Variants in MAP3K15 observed in about 807,000 individuals in gnomAD.
MAP3K15 encodes MAPK/ERK kinase kinase 15.
A neutral mutation model predicts 99.5 loss-of-function variants in MAP3K15; 124 were observed. The ratio of observed to expected loss-of-function variants is 1.25; its 90% CI spans 1.08 to 1.45. The LOEUF (loss-of-function observed/expected upper bound fraction) is 1.45, where lower values mean the gene tolerates loss of function less well. MAP3K15 is among the 40% of genes most tolerant of loss of function. The pLI, the probability that MAP3K15 is intolerant of heterozygous loss-of-function variation, is 0.00. For missense variants in MAP3K15, 1,242 were observed against 1,079.7 expected (o/e 1.15, Z -2.11); for synonymous variants, 494 against 439.6 (o/e 1.12, Z -1.55).
intron 3 of MAP3K15, among the ~76,000 whole-genome samples, chrX:19,473,783 C>T (rs1319675295): frequency 9.0e-6 from 1 of 111,685 alleles, no homozygotes; most frequent in African/African-American, 3.3e-5. Flanking sequence ...CAAATATCAC[C>T]ACCATGAAAA....
intron 14 of MAP3K15, 118 bp from the exon 15 acceptor site, chrX:19,398,477 A>C: frequency 1.2e-6 from 1 of 827,089 alleles, no homozygotes; most frequent in Non-Finnish European, 1.7e-6. Flanking sequence ...TTTGACTGTC[A>C]GGCAAGTCAC....
intron 6 of MAP3K15, among the ~76,000 whole-genome samples, chrX:19,451,435 A>AAC (rs2064037680): frequency 1.0e-5 from 1 of 97,191 alleles, no homozygotes; most frequent in Non-Finnish European, 2.0e-5. Context: ...CAATAGCCAG[A>AAC]ATATATATAT....
In MAP3K15 at chrX:19,494,787, C is replaced by T. The variant is rs768115172; in HGVS notation, c.362-5820G>A. ...AGACTGGCTTTGTCAAAATGAAAAG[C>T]GCTAGACTTCAGAATAAGTTTTTGG... On this transcript the variant is annotated intron_variant, in intron 1 of 28. Transcript: ENST00000338883. Among the ~76,000 whole-genome samples, 14 of 107,814 alleles carry T rather than the reference C, an allele frequency of 1.3e-4. No homozygotes were observed. In the South Asian group the frequency reaches 4.8e-3, roughly 37 times the overall value. 93.6% of individuals were successfully genotyped at this position (107,814 alleles called of 115,157 possible).
intron 3 of MAP3K15, among the ~76,000 whole-genome samples, chrX:19,485,457 C>A (rs12353738): frequency 3.2e-4 from 35 of 109,442 alleles, no homozygotes; most frequent in South Asian, 1.2e-3. Context: ...CTAAAACCAC[C>A]GGATGCCTTA....
At chrX:19,363,116 G>A (rs1569197585) in intron 25 of MAP3K15, among the ~76,000 whole-genome samples, 1 of 111,870 alleles carries the variant, frequency 8.9e-6, no homozygotes, top group African/African-American at 3.2e-5. Flanking sequence ...TTTTTGCAAT[G>A]GACTCAATGT....
At chrX:19,435,525 C>A (rs764028527) in intron 6 of MAP3K15, among the ~76,000 whole-genome samples, 36 of 112,140 alleles carry the variant, frequency 3.2e-4, no homozygotes, top group Non-Finnish European at 6.0e-4. Context: ...TGAATTTTCT[C>A]ATTAACTTGA....
Position 19,407,271 on chromosome X carries a change from A to G in MAP3K15, c.1761T>C (p.Phe587=), listed in dbSNP as rs375521492. ...CATAAAGAAAACAACACCTTTCATC[A>G]AACTTTGATAGGCTGTAAAATTTCA... ...SSIKGISLSK[F]DERCCFLYVH... is the part of the protein sequence containing the mutation. The change falls in exon 13 of 29, where the codon TTT becomes TTC. Residue 587 remains phenylalanine (F), a synonymous_variant. Transcript: ENST00000338883. 8.6e-7 allele frequency: 1 copy of G among 1,168,580 alleles called. No homozygotes were observed. Among genetic ancestry groups the G allele is most frequent in the Non-Finnish European group, 1.2e-6 (1 of 865,870 alleles).
Position 19,417,258 on chromosome X carries a change from C to T in MAP3K15, c.1440-2001G>A, listed in dbSNP as rs78132785. ...AAGCAGGGCGAGGCACTGCCTCACC[C>T]GGGAAGCACAAGGGGTCAGGGAATT... is the stretch of plus-strand genomic sequence containing the variant. On this transcript the variant is annotated intron_variant, in intron 9 of 28. Transcript: ENST00000338883. 8.0e-5 allele frequency among the ~76,000 whole-genome samples: 9 copies of T among 112,553 alleles called. No individual in the cohort carries two copies. The East Asian group carries it at 1.1e-3, about 14-fold the overall frequency.
At chrX:19,471,891 A>G (rs1203207039) in intron 3 of MAP3K15, among the ~76,000 whole-genome samples, 1 of 112,031 alleles carries the variant, frequency 8.9e-6, no homozygotes, top group Non-Finnish European at 1.9e-5. Context: ...TTTCAGATCA[A>G]CAAAAGCTGA....
intron 25 of MAP3K15, among the ~76,000 whole-genome samples, chrX:19,363,419 G>A (rs780942178): frequency 2.2e-4 from 25 of 111,979 alleles, no homozygotes; most frequent in Middle Eastern, 9.2e-3. Context: ...CCTGGTCTCT[G>A]GTTATTTTGT....
chrX:19,448,051 A>C (rs1318458786), intron 6 of MAP3K15, among the ~76,000 whole-genome samples: 4 of 107,628 alleles, frequency 3.7e-5, no homozygotes, highest in African/African-American at 1.3e-4. Flanking sequence ...CAGGAAAGTC[A>C]ATGTTTCCTA....
chrX:19,485,225 C>A, intron 3 of MAP3K15, among the ~76,000 whole-genome samples: 1 of 99,046 alleles, frequency 1.0e-5, no homozygotes, highest in South Asian at 5.0e-4. Context: ...AGGAGAATCG[C>A]TTGAACCCTG....
In MAP3K15 at chrX:19,373,309, G is replaced by A. The variant is rs777002923; in HGVS notation, c.2933+227C>T. 1.0e-5 allele frequency: 4 copies of A among 392,314 alleles called. No homozygotes were observed. In the East Asian group the frequency reaches 1.6e-4, roughly 16 times the overall value. 32.3% of individuals were successfully genotyped at this position (392,314 alleles called of 1,213,427 possible). On this transcript the variant is annotated intron_variant, in intron 21 of 28. Transcript: ENST00000338883. ...AGAGAGAAGGGAAGAGGAGAGGTGG[G>A]GGAGGGCACATGTGGGGAATGAAAG... is the stretch of plus-strand genomic sequence containing the variant.
At chrX:19,369,956 C>A (rs866255604) in intron 24 of MAP3K15, among the ~76,000 whole-genome samples, 47 of 111,009 alleles carry the variant, frequency 4.2e-4, no homozygotes, top group African/African-American at 1.5e-3. Context: ...GCCAGGCTGC[C>A]ACCCAAGCCT....
chrX:19,429,897 T>C (rs938815469), intron 7 of MAP3K15, among the ~76,000 whole-genome samples: 1 of 109,784 alleles, frequency 9.1e-6, no homozygotes, highest in African/African-American at 3.3e-5. Flanking sequence ...GATGTGGGCC[T>C]GTTGGTTCCA....
intron 3 of MAP3K15, among the ~76,000 whole-genome samples, chrX:19,475,377 G>T (rs768095471): frequency 9.0e-6 from 1 of 111,323 alleles, no homozygotes; most frequent in African/African-American, 3.3e-5. Flanking sequence ...TTCCTCGCTC[G>T]CTGCTCACCT....
In MAP3K15 at chrX:19,482,931, G is replaced by A. The variant is rs766429385; in HGVS notation, c.525+3551C>T. Among the ~76,000 whole-genome samples, 595 of 110,776 alleles carry A rather than the reference G, an allele frequency of 5.4e-3. 3 individuals carry two copies. Among genetic ancestry groups the A allele is most frequent in the African/African-American group, 0.018 (553 of 30,441 alleles). On this transcript the variant is annotated intron_variant, in intron 3 of 28. Transcript: ENST00000338883. ...GTCTGGAGTTTGGCTTCCTGGCCTC[G>A]GCATCCCTGCAAAGCAACTGCTCCT...
intron 1 of MAP3K15, among the ~76,000 whole-genome samples, chrX:19,490,182 C>T (rs1158665827): frequency 3.1e-5 from 3 of 95,515 alleles, no homozygotes; most frequent in African/African-American, 7.4e-5. Context: ...CACACACACA[C>T]ACATACATAC....
chrX:19,499,290 G>A (rs765896366), intron 1 of MAP3K15, among the ~76,000 whole-genome samples: 3 of 112,250 alleles, frequency 2.7e-5, no homozygotes, highest in South Asian at 3.7e-4. Context: ...TGTTGGTGAC[G>A]ATGTGAAGCC....
Sources: gnomAD v4.1 joint callset for allele counts (sites outside exome capture counted in the v4.1 genomes callset) on GRCh38, gnomAD v4.1.1 for gene constraint, MANE v1.5 for transcripts, NCBI Gene and HGNC (gene_info 2026-07-23, HGNC 2026-07-21) for gene names.